Variants in USP47 observed in about 807,000 individuals in gnomAD.
The protein encoded by USP47 is ubiquitin carboxyl-terminal hydrolase 47.
Under a neutral mutation model 165.1 loss-of-function variants are expected in USP47, and 35 were observed. That is an observed-to-expected ratio of 0.21 (90% confidence interval 0.16 to 0.28). USP47 has a LOEUF of 0.28. Among genes scored for constraint, USP47 ranks in the 10% least tolerant of loss-of-function variants. The probability of loss-of-function intolerance (pLI) is 1.00; values close to 1 mark genes in which losing one functional copy is unlikely to be tolerated. For missense variants in USP47, 1,277 were observed against 1,607.4 expected, an observed-to-expected ratio of 0.79 and a Z score of 3.52; for synonymous variants, 531 against 544.5, an observed-to-expected ratio of 0.98 and a Z score of 0.35.
intron 19 of USP47, 133 bp from the exon 20 acceptor site, chr11:11,942,202 C>T: frequency 9.5e-7 from 1 of 1,051,706 alleles, no homozygotes; most frequent in Non-Finnish European, 1.3e-6. Context: ...ACAATAGAGT[C>T]CTTCAGAAAC....
chr11:11,929,920 T>C, intron 12 of USP47, 124 bp from the exon 13 acceptor site: 1 of 781,774 alleles, frequency 1.3e-6, no homozygotes, highest in Non-Finnish European at 2.1e-6. Flanking sequence ...AATTGGTAGC[T>C]GTGTGAGCAA....
chr11:11,941,339 A>ATCT (rs56018340), intron 19 of USP47, among the ~76,000 whole-genome samples: 121,215 of 151,514 alleles, frequency 0.8, 49,230 homozygotes, highest in Middle Eastern at 0.95. Context: ...TGCAGTAGGG[A>ATCT]AACTTTTCTT....
chr11:11,877,789 TTCTC>T (rs902594958), intron 1 of USP47, among the ~76,000 whole-genome samples: 3,169 of 121,220 alleles, frequency 0.026, 142 homozygotes, highest in African/African-American at 0.094. Context: ...CTCTCTCTCT[TTCTC>T]TCTCTCTCTC....
chr11:11,897,141 G>T (rs1240141651), intron 4 of USP47, among the ~76,000 whole-genome samples: 1 of 150,174 alleles, frequency 6.7e-6, no homozygotes. Flanking sequence ...TGATGACAGG[G>T]GTAACTGGTT....
intron 1 of USP47, among the ~76,000 whole-genome samples, chr11:11,852,548 C>CTCCA (rs1848786536): frequency 6.6e-6 from 1 of 152,146 alleles, no homozygotes; most frequent in South Asian, 2.1e-4. Flanking sequence ...TCAACCAGTT[C>CTCCA]TCCAAGGAGT....
chr11:11,842,235 C>G lies in USP47; in HGVS notation c.39+11C>G, dbSNP rs762397774. 1 of 1,552,288 alleles carries G rather than the reference C, an allele frequency of 6.4e-7. No individual in the cohort carries two copies. The highest frequency in any genetic ancestry group is 8.7e-7 in the Non-Finnish European group (1 of 1,147,122). ...CTGGTCCCGAAAGAGGTGAGGGGCCCCAGAGGAGGTTAGGCCTTAGGCCTG... is the reference window on the plus strand; with the variant it reads ...CTGGTCCCGAAAGAGGTGAGGGGCCGCAGAGGAGGTTAGGCCTTAGGCCTG... On this transcript the variant is annotated intron_variant, in intron 1 of 27. Transcript: ENST00000527733.
intron 7 of USP47, among the ~76,000 whole-genome samples, chr11:11,903,917 T>G (rs1852383124): frequency 6.6e-6 from 1 of 152,002 alleles, no homozygotes; most frequent in Non-Finnish European, 1.5e-5. Flanking sequence ...GTATAGTAAA[T>G]GAAGGTCACA....
chr11:11,860,650 G>C (rs1469766522), intron 1 of USP47, among the ~76,000 whole-genome samples: 1 of 152,160 alleles, frequency 6.6e-6, no homozygotes, highest in African/African-American at 2.4e-5. Flanking sequence ...AAACAAGTCA[G>C]TTATTTCACA....
intron 3 of USP47, among the ~76,000 whole-genome samples, chr11:11,888,424 T>C (rs1851303474): frequency 6.6e-6 from 1 of 152,090 alleles, no homozygotes; most frequent in African/African-American, 2.4e-5. Flanking sequence ...CAGAGAATAC[T>C]ATAAACATCT....
intron 20 of USP47, 135 bp from the exon 21 acceptor site, chr11:11,947,810 A>T: frequency 2.5e-6 from 2 of 790,968 alleles, no homozygotes; most frequent in Middle Eastern, 7.1e-4. Context: ...AGTGTGGTAT[A>T]TTAGCTAAAG....
intron 1 of USP47, among the ~76,000 whole-genome samples, chr11:11,875,070 TG>T (rs1564859538): frequency 0.17 from 25,898 of 150,996 alleles, 2,626 homozygotes; most frequent in Non-Finnish European, 0.22. Flanking sequence ...TGTGTGTGTG[TG>T]TGTGTGTGTG....
chr11:11,860,424 T>C (rs896827763), intron 1 of USP47, among the ~76,000 whole-genome samples: 1 of 152,182 alleles, frequency 6.6e-6, no homozygotes, highest in Non-Finnish European at 1.5e-5. Context: ...ATTGTTCTTG[T>C]ACCATAGATC....
Position 11,842,163 on chromosome 11 carries a change from G to T in USP47, c.-23G>T. On this transcript the variant is annotated 5_prime_UTR_variant, in exon 1 of 28. Coordinates refer to ENST00000527733, the MANE Select transcript of USP47 (RefSeq NM_001282659.2). ...CCCTCCACCCTCCCCCGGCAGGGCGGAGAGGAGCGGCCGGAGTCAGCGATG... is the reference window on the plus strand; with the variant it reads ...CCCTCCACCCTCCCCCGGCAGGGCGTAGAGGAGCGGCCGGAGTCAGCGATG... 6.4e-7 allele frequency: 1 copy of T among 1,552,074 alleles called. No homozygotes were observed. Among genetic ancestry groups the T allele is most frequent in the Non-Finnish European group, 8.7e-7 (1 of 1,146,944 alleles).
intron 5 of USP47, among the ~76,000 whole-genome samples, chr11:11,900,625 G>A (rs61870725): frequency 0.016 from 2,472 of 152,248 alleles, 30 homozygotes; most frequent in Middle Eastern, 0.034. Flanking sequence ...ATTAAACCAG[G>A]CATGGATATA....
Position 11,947,934 on chromosome 11 carries a change from T to G in USP47, c.3092-11T>G, listed in dbSNP as rs749331591. On this transcript the variant is annotated splice_polypyrimidine_tract_variant and intron_variant, in intron 20 of 27. Transcript: ENST00000527733. ...TTTTTGTTCCTGTTTTGGTTTTTTT[T>G]TTGTGCTTAGGGTTGATGGTGCATG... 3 of 1,572,890 alleles carry G rather than the reference T, an allele frequency of 1.9e-6. No individual in the cohort carries two copies. The South Asian group carries it at 3.5e-5, about 19-fold the overall frequency.
At chr11:11,940,342 C>T in intron 18 of USP47, 87 bp from the exon 19 acceptor site, 1 of 1,346,632 alleles carries the variant, frequency 7.4e-7, no homozygotes, top group South Asian at 1.6e-5. Flanking sequence ...TTAAGAAGAA[C>T]TCAGCAGTGT....
chr11:11,949,482 A>G (rs1240377378), intron 22 of USP47, among the ~76,000 whole-genome samples: 1 of 152,120 alleles, frequency 6.6e-6, no homozygotes, highest in African/African-American at 2.4e-5. Context: ...ATTTAATCTG[A>G]GTTTGTGGAA....
At chr11:11,955,240 T>C in intron 27 of USP47, 76 bp downstream of exon 27, 1 of 1,524,926 alleles carries the variant, frequency 6.6e-7, no homozygotes, top group Non-Finnish European at 8.8e-7. Flanking sequence ...TCCATAAATA[T>C]CTTTACTGTT....
intron 19 of USP47, among the ~76,000 whole-genome samples, chr11:11,941,769 T>C (rs1385422305): frequency 6.6e-6 from 1 of 152,106 alleles, no homozygotes; most frequent in Non-Finnish European, 1.5e-5. Flanking sequence ...TATCAGTCAA[T>C]ATCTAGTCAG....
Sources: gnomAD v4.1 joint callset for allele counts (sites outside exome capture counted in the v4.1 genomes callset) on GRCh38, gnomAD v4.1.1 for gene constraint, MANE v1.5 for transcripts, NCBI Gene and HGNC (gene_info 2026-07-23, HGNC 2026-07-21) for gene names.